NFXL1: variants seen among roughly 807,000 people sequenced by gnomAD.
NFXL1 encodes nuclear transcription factor, X-box binding like 1.
Under a neutral mutation model 123.3 loss-of-function variants are expected in NFXL1, and 66 were observed. The observed-to-expected ratio is 0.54, with a 90% CI of 0.44 to 0.66. The LOEUF (loss-of-function observed/expected upper bound fraction) is 0.66. Ranked by LOEUF, NFXL1 falls within the 30% of genes least tolerant of loss-of-function variation. The pLI is 0.00. For synonymous variants in NFXL1, 346 were observed against 360.8 expected, an observed-to-expected ratio of 0.96 and a Z score of 0.46; for missense variants, 944 against 1,125.6, an observed-to-expected ratio of 0.84 and a Z score of 2.31.
chr4:47,854,940 CAAA>C (rs373169214), intron 20 of NFXL1, 116 bp downstream of exon 20: 2,183 of 197,846 alleles, frequency 0.011, no homozygotes, highest in South Asian at 0.015. Flanking sequence ...AATTAAAAGG[CAAA>C]AAAAAAAAAA....
intron 22 of NFXL1, among the ~76,000 whole-genome samples, chr4:47,849,952 AT>A (rs11330734): frequency 0.49 from 73,941 of 149,462 alleles, 18,450 homozygotes; most frequent in East Asian, 0.6. Context: ...CGTATTATTT[AT>A]TTTTTTTTTT....
chr4:47,848,656 G>A (rs763766432), intron 22 of NFXL1, among the ~76,000 whole-genome samples: 16 of 152,136 alleles, frequency 1.1e-4, no homozygotes, highest in Non-Finnish European at 1.8e-4. Flanking sequence ...TTGGGAGGCT[G>A]AGGCAGGCGG....
At chr4:47,908,954 C>CAAAAAA (rs11457014) in intron 3 of NFXL1, among the ~76,000 whole-genome samples, 2 of 90,504 alleles carry the variant, frequency 2.2e-5, no homozygotes, top group Non-Finnish European at 4.1e-5. Context: ...GACTCCGTCG[C>CAAAAAA]AAAAAAAAAA....
Position 47,914,168 on chromosome 4 carries a change from TCGGCCAC to T in NFXL1, c.29_35del (p.Gly10GlufsTer69). On this transcript the variant is annotated frameshift_variant, in exon 2 of 23. Coordinates refer to ENST00000507489, the MANE Select transcript of NFXL1 (RefSeq NM_001278624.2). LOFTEE classifies it high-confidence loss of function. ...CAGTGGCCCGTCCCCGGGATCGGCC[TCGGCCAC>T]CGGCCACCTGGCGCCAGGAAGCTTC... is the stretch of plus-strand genomic sequence containing the variant. The T allele has an allele frequency of 6.6e-7, 1 of 1,523,552 alleles. No individual in the cohort carries two copies. The highest frequency in any genetic ancestry group is 8.8e-7 in the Non-Finnish European group (1 of 1,132,438). The allele number at this position is 1,523,552 out of a possible 1,614,324, so 94.4% of individuals were successfully genotyped here.
At chr4:47,862,657 G>T (rs1305053693) in intron 19 of NFXL1, among the ~76,000 whole-genome samples, 189 bp downstream of exon 19, 1 of 152,004 alleles carries the variant, frequency 6.6e-6, no homozygotes, top group Non-Finnish European at 1.5e-5. Flanking sequence ...TCTTCAAAGG[G>T]TCATTTCAGG....
chr4:47,878,286 G>A (rs1389952300), intron 17 of NFXL1, among the ~76,000 whole-genome samples: 2 of 151,846 alleles, frequency 1.3e-5, no homozygotes, highest in Non-Finnish European at 2.9e-5. Flanking sequence ...CACAGGTACA[G>A]TATGTAAAGG....
chr4:47,890,384 T>G (rs571096206), intron 12 of NFXL1, among the ~76,000 whole-genome samples: 3 of 152,322 alleles, frequency 2.0e-5, no homozygotes, highest in Admixed American at 1.3e-4. Context: ...GGTTCAAATG[T>G]ACTAGACATT....
rs773568730 is a variant in NFXL1, at chr4:47,885,653, GTCGACTAAA to G, written c.1665-5_1668del. ...TGACTTGTATGATGACAAGTTGGTG[GTCGACTAAA>G]TCATAAAGTACAATTTTCAAAAATT... On this transcript the variant is annotated splice_acceptor_variant and splice_polypyrimidine_tract_variant and coding_sequence_variant and intron_variant, in exon 14 of 23. Coordinates refer to ENST00000507489, the MANE Select transcript of NFXL1 (RefSeq NM_001278624.2). LOFTEE classifies it high-confidence loss of function. 2.2e-4 allele frequency: 348 copies of G among 1,611,758 alleles called. No individual in the cohort carries two copies. The highest frequency in any genetic ancestry group is 2.9e-4 in the Non-Finnish European group (337 of 1,178,532).
chr4:47,879,175 T>A, intron 15 of NFXL1, 58 bp from the exon 16 acceptor site: 1 of 693,574 alleles, frequency 1.4e-6, no homozygotes, highest in South Asian at 2.5e-5. Flanking sequence ...AAATAATACC[T>A]AAAGATGCTA....
chr4:47,897,965 A>C lies in NFXL1; in HGVS notation c.1204+2T>G. 1 of 1,554,972 alleles carries C rather than the reference A, an allele frequency of 6.4e-7. No individual in the cohort carries two copies. Among genetic ancestry groups the C allele is most frequent in the Non-Finnish European group, 8.8e-7 (1 of 1,142,218 alleles). On this transcript the variant is annotated splice_donor_variant, in intron 9 of 22. Coordinates refer to ENST00000507489, the MANE Select transcript of NFXL1 (RefSeq NM_001278624.2). LOFTEE classifies it high-confidence loss of function. ...ATAAATATAAAAAAAAACAAGTCTT[A>C]CTTGATTTCTGACATGGACAGAACC... is the stretch of plus-strand genomic sequence containing the variant.
At chr4:47,873,014 C>T (rs899758413) in intron 18 of NFXL1, among the ~76,000 whole-genome samples, 6 of 152,186 alleles carry the variant, frequency 3.9e-5, no homozygotes, top group Non-Finnish European at 1.5e-5. Flanking sequence ...TATTCTAAAT[C>T]CTAATCCTTT....
At position 47,899,561 on chromosome 4, in the gene NFXL1, A is replaced by T. The variant is rs761527039; in HGVS notation, c.648-13T>A. On this transcript the variant is annotated splice_polypyrimidine_tract_variant and intron_variant, in intron 5 of 22. Coordinates refer to ENST00000507489, the MANE Select transcript of NFXL1 (RefSeq NM_001278624.2). ...CCTACATTTTGGACTACAAAGAAGA[A>T]GAAAATTATTAAAGCTAACTTCACC... The T allele has an allele frequency of 6.4e-7, 1 of 1,570,726 alleles. No individual in the cohort carries two copies. Among genetic ancestry groups the T allele is most frequent in the Non-Finnish European group, 8.8e-7 (1 of 1,142,604 alleles).
At chr4:47,860,256 A>T (rs1222487658) in intron 19 of NFXL1, among the ~76,000 whole-genome samples, 1 of 152,062 alleles carries the variant, frequency 6.6e-6, no homozygotes, top group Non-Finnish European at 1.5e-5. Flanking sequence ...TTGAACATTT[A>T]AAAAAAATAA....
intron 20 of NFXL1, among the ~76,000 whole-genome samples, chr4:47,853,462 C>G (rs1008109780): frequency 1.1e-4 from 16 of 151,962 alleles, no homozygotes; most frequent in African/African-American, 3.9e-4. Flanking sequence ...TTACAGATAC[C>G]TAGAATCACA....
At chr4:47,865,499 A>AC (rs1735003767) in intron 18 of NFXL1, among the ~76,000 whole-genome samples, 2 of 148,690 alleles carry the variant, frequency 1.3e-5, no homozygotes, top group South Asian at 4.2e-4. Flanking sequence ...AAAAAAAAAA[A>AC]AACAACTCCT....
intron 5 of NFXL1, among the ~76,000 whole-genome samples, 183 bp from the exon 6 acceptor site, chr4:47,899,731 C>T (rs1737279369): frequency 6.6e-6 from 1 of 152,224 alleles, no homozygotes; most frequent in African/African-American, 2.4e-5. Flanking sequence ...TAAAACAGCA[C>T]TGCACAATAC....
At chr4:47,904,231 GC>G in intron 4 of NFXL1, among the ~76,000 whole-genome samples, 1 of 152,194 alleles carries the variant, frequency 6.6e-6, no homozygotes, top group Admixed American at 6.5e-5. Flanking sequence ...TGTAAAACAC[GC>G]CTTGGACTGC....
chr4:47,905,170 A>G, intron 4 of NFXL1, 67 bp downstream of exon 4: 1 of 601,088 alleles, frequency 1.7e-6, no homozygotes, highest in Non-Finnish European at 3.0e-6. Context: ...ATAAATCGTT[A>G]AGTATTGTAA....
intron 18 of NFXL1, among the ~76,000 whole-genome samples, chr4:47,865,596 G>A (rs1163478794): frequency 6.6e-6 from 1 of 151,874 alleles, no homozygotes; most frequent in African/African-American, 2.4e-5. Context: ...AACAGAAGAG[G>A]AGGCTGAGCT....
Sources: gnomAD v4.1 joint callset for allele counts (sites outside exome capture counted in the v4.1 genomes callset) on GRCh38, gnomAD v4.1.1 for gene constraint, MANE v1.5 for transcripts, NCBI Gene and HGNC (gene_info 2026-07-23, HGNC 2026-07-21) for gene names.